TENT4B: variants seen among roughly 807,000 people sequenced by gnomAD.
The protein encoded by TENT4B is terminal nucleotidyltransferase 4B, also known as PAP associated domain containing 5.
TENT4B carries 10 observed loss-of-function variants against 75.0 expected under a neutral mutation model. That is an observed-to-expected ratio of 0.13 (90% CI 0.08 to 0.23). TENT4B has a LOEUF of 0.23. Among genes scored for constraint, TENT4B ranks in the 10% least tolerant of loss-of-function variants. The pLI is 1.00. For synonymous variants in TENT4B, 350 were observed against 357.7 expected (o/e 0.98, Z 0.24); for missense variants, 579 against 893.8 (o/e 0.65, Z 4.49).
chr16:50,208,819 AC>A (rs905105577), intron 1 of TENT4B, among the ~76,000 whole-genome samples: 1 of 151,788 alleles, frequency 6.6e-6, no homozygotes, highest in Non-Finnish European at 1.5e-5. Flanking sequence ...TGCAGCCTCC[AC>A]CTCCCAAGTT....
At chr16:50,207,004 A>G (rs764024569) in intron 1 of TENT4B, among the ~76,000 whole-genome samples, 55 of 146,602 alleles carry the variant, frequency 3.8e-4, no homozygotes, top group Non-Finnish European at 6.1e-4. Context: ...ATGTTCTGTT[A>G]TTAATTTTGA....
At chr16:50,215,111 C>T (rs559037984) in intron 3 of TENT4B, among the ~76,000 whole-genome samples, 7 of 152,316 alleles carry the variant, frequency 4.6e-5, no homozygotes, top group South Asian at 2.1e-4. Context: ...CCTCTTGTGA[C>T]GCACAGCCTT....
Position 50,224,687 on chromosome 16 carries a change from C to T in TENT4B, c.1412C>T (p.Ala471Val), listed in dbSNP as rs2031969919. 6.2e-7 allele frequency: 1 copy of T among 1,613,836 alleles called. No homozygotes were observed. Among genetic ancestry groups the T allele is most frequent in the Non-Finnish European group, 8.5e-7 (1 of 1,179,862 alleles). The change falls in exon 8 of 12, where the codon GCC becomes GTC. Residue 471 changes from alanine (A) to valine (V), a missense_variant. This residue lies in a region of TENT4B where 71 missense variants were observed against 210.6 expected (regional missense o/e 0.34). Transcript: ENST00000561678. ...GATGTTGGAAGGAGTTCATATGGGG[C>T]CATGCAAGTGAAGCAGGCCTTTGAT... is the stretch of plus-strand genomic sequence containing the variant. Reference protein sequence around the residue: ...GNDVGRSSYGAMQVKQAFDYA... With the variant: ...GNDVGRSSYGVMQVKQAFDYA...
intron 1 of TENT4B, among the ~76,000 whole-genome samples, chr16:50,208,015 A>AT (rs2031078127): frequency 1.3e-5 from 2 of 152,202 alleles, no homozygotes; most frequent in South Asian, 4.1e-4. Context: ...TTGTTCTCTG[A>AT]GTATTTCACA....
intron 5 of TENT4B, 94 bp downstream of exon 5, chr16:50,217,757 G>A: frequency 2.1e-6 from 1 of 482,184 alleles, no homozygotes. Context: ...TATGCATGTT[G>A]CTGTCTCTCT....
rs1238172623 is a variant in TENT4B, at chr16:50,230,300, G to A, written c.*972G>A. The stretch of plus-strand genomic sequence containing the variant: ...TTTTCCCCCCATTTCTTCCTAATAG[G>A]AAAAAAAAAAAAAAAAAGGTCACCC... On this transcript the variant is annotated 3_prime_UTR_variant, in exon 12 of 12. Transcript: ENST00000561678. 26 of 919,990 alleles carry A rather than the reference G, an allele frequency of 2.8e-5. No homozygotes were observed. Among genetic ancestry groups the A allele is most frequent in the African/African-American group, 1.7e-4 (8 of 48,454 alleles). 57.0% of individuals were successfully genotyped at this position (919,990 alleles called of 1,614,324 possible). A position where few individuals can be genotyped will look rare whatever the true frequency, so the allele number is the denominator to read the frequency against.
Position 50,233,866 on chromosome 16 carries a change from T to G in TENT4B, c.*4538T>G, listed in dbSNP as rs555228057. On this transcript the variant is annotated 3_prime_UTR_variant, in exon 12 of 12. Transcript: ENST00000561678. Reference sequence around the variant, plus strand: ...GGTAGCTCCTGGATTTACTGAGAGATATTTTAGCTATGTCAATAAGAACAG... The same window carrying G: ...GGTAGCTCCTGGATTTACTGAGAGAGATTTTAGCTATGTCAATAAGAACAG... 1.5e-5 allele frequency: 15 copies of G among 985,442 alleles called. No homozygotes were observed. In the East Asian group the frequency reaches 3.4e-4, roughly 22 times the overall value. The allele number at this position is 985,442 out of a possible 1,614,324, so 61.0% of individuals were successfully genotyped here.
intron 10 of TENT4B, among the ~76,000 whole-genome samples, chr16:50,226,713 G>T (rs1394323200): frequency 6.6e-6 from 1 of 152,100 alleles, no homozygotes; most frequent in Admixed American, 6.5e-5. Context: ...ACCACGCCTG[G>T]CCAAATTTTT....
intron 10 of TENT4B, among the ~76,000 whole-genome samples, chr16:50,226,941 T>C (rs2032084504): frequency 6.6e-6 from 1 of 152,228 alleles, no homozygotes; most frequent in Non-Finnish European, 1.5e-5. Flanking sequence ...CTTTCTATCC[T>C]GATAGAATTT....
At chr16:50,154,850 T>C (rs950992382) in intron 1 of TENT4B, among the ~76,000 whole-genome samples, 8 of 152,178 alleles carry the variant, frequency 5.3e-5, no homozygotes, top group African/African-American at 1.9e-4. Context: ...GGCCCATCTT[T>C]TTATTTTTAA....
chr16:50,163,090 C>T (rs538612038), intron 1 of TENT4B, among the ~76,000 whole-genome samples: 1 of 152,298 alleles, frequency 6.6e-6, no homozygotes, highest in East Asian at 1.9e-4. Flanking sequence ...TTTTCCCTTA[C>T]TGGCCCTTTG....
intron 1 of TENT4B, among the ~76,000 whole-genome samples, chr16:50,196,186 A>G (rs1030148122): frequency 6.6e-6 from 1 of 152,176 alleles, no homozygotes; most frequent in East Asian, 1.9e-4. Context: ...TTTTATACTC[A>G]AAGAATTATA....
rs2032393666 is a variant in TENT4B at position 50,234,669 on chromosome 16, A to G, written c.*5341A>G. 2 of 985,448 alleles carry G rather than the reference A, an allele frequency of 2.0e-6. No homozygotes were observed. Among genetic ancestry groups the G allele is most frequent in the Admixed American group, 1.2e-4 (2 of 16,292 alleles). The allele number at this position is 985,448 out of a possible 1,614,324, so 61.0% of individuals were successfully genotyped here. A position where few individuals can be genotyped will look rare whatever the true frequency, so the allele number is the denominator to read the frequency against. ...AGTCTTTTGAAAGTCCTACAATCCT[A>G]AAATAAATCACAAGCTTGTTTGTTA... On this transcript the variant is annotated 3_prime_UTR_variant, in exon 12 of 12. Coordinates refer to ENST00000561678, the MANE Select transcript of TENT4B (RefSeq NM_001365324.3).
At chr16:50,162,436 T>G (rs922190863) in intron 1 of TENT4B, among the ~76,000 whole-genome samples, 2 of 152,204 alleles carry the variant, frequency 1.3e-5, no homozygotes, top group African/African-American at 4.8e-5. Context: ...CAACAATATA[T>G]GAGATATCCA....
chr16:50,215,958 G>A (rs1434868386), intron 3 of TENT4B, 117 bp from the exon 4 acceptor site: 8 of 1,262,298 alleles, frequency 6.3e-6, no homozygotes, highest in Non-Finnish European at 6.6e-6. Flanking sequence ...TTTAGTCTTC[G>A]TTGGCCAGGG....
At chr16:50,164,335 A>G (rs2038059586) in intron 1 of TENT4B, among the ~76,000 whole-genome samples, 1 of 148,438 alleles carries the variant, frequency 6.7e-6, no homozygotes, top group Non-Finnish European at 1.5e-5. Flanking sequence ...TTTTAGATGA[A>G]GTCTCCCTCT....
At chr16:50,186,038 T>C (rs2038519977) in intron 1 of TENT4B, among the ~76,000 whole-genome samples, 2 of 152,344 alleles carry the variant, frequency 1.3e-5, no homozygotes, top group African/African-American at 4.8e-5. Context: ...GTTTTTCTTA[T>C]TGTGGTAAAA....
intron 1 of TENT4B, among the ~76,000 whole-genome samples, chr16:50,201,273 A>G (rs11641530): frequency 0.66 from 100,420 of 152,066 alleles, 35,324 homozygotes; most frequent in Non-Finnish European, 0.76. Flanking sequence ...GCGGTGGCTC[A>G]CGCCTGTAAT....
Position 50,154,179 on chromosome 16 carries a change from G to A in TENT4B, c.558G>A (p.Gly186=). Residue 186 remains glycine (G), a synonymous_variant, in exon 1 of 12, where the codon GGG becomes GGA. Coordinates refer to ENST00000561678, the MANE Select transcript of TENT4B (RefSeq NM_001365324.3). ...LLQPSGGRAA[G]GGRADGGGVV... ...AGCCCAGCGGAGGGCGGGCCGCGGGGGGCGGCCGAGCAGACGGCGGCGGGG... is the reference window on the plus strand; with the variant it reads ...AGCCCAGCGGAGGGCGGGCCGCGGGAGGCGGCCGAGCAGACGGCGGCGGGG... 6.6e-7 allele frequency: 1 copy of A among 1,509,442 alleles called. No homozygotes were observed. Among genetic ancestry groups the A allele is most frequent in the Non-Finnish European group, 8.8e-7 (1 of 1,136,656 alleles). The allele number at this position is 1,509,442 out of a possible 1,614,324, so 93.5% of individuals were successfully genotyped here. A position where few individuals can be genotyped will look rare whatever the true frequency, so the allele number is the denominator to read the frequency against.
Sources: allele counts gnomAD v4.1 joint callset (sites outside exome capture counted in the v4.1 genomes callset), GRCh38; gene constraint gnomAD v4.1.1; regional missense constraint gnomAD v4.1.1; transcripts MANE v1.5; gene names NCBI Gene and HGNC (gene_info 2026-07-23, HGNC 2026-07-21).